KCNIP1: variants seen among roughly 807,000 people sequenced by gnomAD.
KCNIP1 encodes the protein A-type potassium channel modulatory protein KCNIP1.
In KCNIP1, 18 loss-of-function variants were observed where a neutral mutation model predicts 33.0. The ratio of observed to expected loss-of-function variants is 0.55; its 90% CI spans 0.38 to 0.81. The LOEUF is 0.81. KCNIP1 is among the 30% of genes least tolerant of loss of function. KCNIP1 has a pLI of 0.00. For missense variants in KCNIP1, 238 were observed against 271.6 expected (o/e 0.88, Z 0.87); for synonymous variants, 93 against 98.3 (o/e 0.95, Z 0.32).
intron 1 of KCNIP1, among the ~76,000 whole-genome samples, chr5:170,448,301 C>T (rs1240399919): frequency 5.3e-5 from 8 of 152,198 alleles, no homozygotes; most frequent in Non-Finnish European, 1.2e-4. Context: ...TCCAGGAAAC[C>T]CCAAAATAGA....
At chr5:170,471,927 C>T (rs919180704) in intron 1 of KCNIP1, among the ~76,000 whole-genome samples, 7 of 152,180 alleles carry the variant, frequency 4.6e-5, no homozygotes, top group African/African-American at 7.2e-5. Flanking sequence ...TTCACATCTC[C>T]GTCAGAGGCC....
intron 1 of KCNIP1, among the ~76,000 whole-genome samples, chr5:170,576,117 T>C (rs964826778): frequency 6.6e-6 from 1 of 152,206 alleles, no homozygotes; most frequent in Non-Finnish European, 1.5e-5. Flanking sequence ...AACTGGGACA[T>C]GGATGATCTA....
chr5:170,404,080 G>A (rs1754973954), intron 1 of KCNIP1, among the ~76,000 whole-genome samples: 1 of 152,174 alleles, frequency 6.6e-6, no homozygotes. Context: ...TGGGCAGGAG[G>A]CAGGGGATTA....
At chr5:170,638,130 A>T (rs1007390433) in intron 1 of KCNIP1, among the ~76,000 whole-genome samples, 19 of 152,122 alleles carry the variant, frequency 1.2e-4, no homozygotes, top group African/African-American at 4.6e-4. Context: ...CCAGATTGAT[A>T]GTCTGCATTT....
intron 1 of KCNIP1, chr5:170,639,079 C>T (rs796970420): frequency 1.3e-5 from 2 of 152,224 alleles, no homozygotes; most frequent in African/African-American, 4.8e-5. Context: ...ACAAGCTTCC[C>T]CATGACACTG....
intron 1 of KCNIP1, among the ~76,000 whole-genome samples, chr5:170,564,930 TTTCTGACTTAGCTTG>T (rs1757155120): frequency 6.6e-6 from 1 of 152,112 alleles, no homozygotes; most frequent in Non-Finnish European, 1.5e-5. Flanking sequence ...GAGAGATTTG[TTTCTGACTTAGCTTG>T]TAAGAAAGAG....
chr5:170,456,431 C>G (rs1486867223), intron 1 of KCNIP1, among the ~76,000 whole-genome samples: 1 of 151,992 alleles, frequency 6.6e-6, no homozygotes, highest in Non-Finnish European at 1.5e-5. Flanking sequence ...ACCTGTGTAA[C>G]AAACCTGCAC....
intron 1 of KCNIP1, chr5:170,374,868 G>A (rs1352682868): frequency 6.6e-6 from 1 of 152,178 alleles, no homozygotes; most frequent in South Asian, 2.1e-4. Flanking sequence ...TTATTGACAG[G>A]AGGAGAACAT....
chr5:170,587,222 G>C (rs1261995126), intron 1 of KCNIP1, among the ~76,000 whole-genome samples: 1 of 152,062 alleles, frequency 6.6e-6, no homozygotes, highest in Non-Finnish European at 1.5e-5. Flanking sequence ...AGGAGTTCAA[G>C]ACTAGCCTGG....
At chr5:170,554,167 A>T (rs1385834502) in intron 1 of KCNIP1, among the ~76,000 whole-genome samples, 1 of 151,980 alleles carries the variant, frequency 6.6e-6, no homozygotes, top group Non-Finnish European at 1.5e-5. Flanking sequence ...AATCGTGTGT[A>T]TCCCAAAGAA....
At chr5:170,652,039 G>A (rs562238114) in intron 1 of KCNIP1, among the ~76,000 whole-genome samples, 18 of 152,282 alleles carry the variant, frequency 1.2e-4, no homozygotes, top group East Asian at 1.2e-3. Context: ...ATAAATAGGC[G>A]TTTGTGGCTG....
intron 1 of KCNIP1, among the ~76,000 whole-genome samples, chr5:170,618,554 G>T (rs1166017936): frequency 3.7e-5 from 5 of 135,602 alleles, no homozygotes; most frequent in Non-Finnish European, 8.0e-5. Context: ...GAGGAGGGAG[G>T]GAGGGAGGGA....
chr5:170,638,488 A>T (rs1760388832), intron 1 of KCNIP1, among the ~76,000 whole-genome samples: 1 of 152,182 alleles, frequency 6.6e-6, no homozygotes, highest in African/African-American at 2.4e-5. Flanking sequence ...TTGACCCCAT[A>T]GTCTAAGGTC....
At chr5:170,448,188 T>C (rs896652382) in intron 1 of KCNIP1, among the ~76,000 whole-genome samples, 3 of 152,232 alleles carry the variant, frequency 2.0e-5, no homozygotes, top group Non-Finnish European at 4.4e-5. Context: ...TATTGTTGAA[T>C]GAGTGGATGG....
intron 1 of KCNIP1, among the ~76,000 whole-genome samples, chr5:170,541,246 G>T (rs1246264382): frequency 6.6e-6 from 1 of 152,138 alleles, no homozygotes; most frequent in Admixed American, 6.6e-5. Flanking sequence ...AAGTGACCCA[G>T]TGTTCCATAT....
intron 1 of KCNIP1, chr5:170,681,098 C>G (rs1401090741): frequency 1.8e-5 from 7 of 399,320 alleles, no homozygotes; most frequent in Non-Finnish European, 3.1e-5. Flanking sequence ...CCGAAGGGCT[C>G]CAGACACTGG....
intron 1 of KCNIP1, among the ~76,000 whole-genome samples, chr5:170,415,131 A>G (rs1304320646): frequency 6.6e-6 from 1 of 152,210 alleles, no homozygotes; most frequent in Non-Finnish European, 1.5e-5. Flanking sequence ...AGTAGACGCC[A>G]TGATAATCAA....
chr5:170,512,942 C>T (rs1208613524), intron 1 of KCNIP1, among the ~76,000 whole-genome samples: 4 of 151,844 alleles, frequency 2.6e-5, no homozygotes, highest in African/African-American at 7.3e-5. Context: ...CCCAGCTACT[C>T]GGGAGGTTGA....
intron 1 of KCNIP1, among the ~76,000 whole-genome samples, chr5:170,446,855 C>T (rs184860192): frequency 1.3e-5 from 2 of 152,300 alleles, no homozygotes; most frequent in East Asian, 1.9e-4. Flanking sequence ...TGGGCCCTCA[C>T]GTCCCTCCCT....
Sources: gnomAD v4.1 joint callset for allele counts (sites outside exome capture counted in the v4.1 genomes callset) on GRCh38, gnomAD v4.1.1 for gene constraint, MANE v1.5 for transcripts, NCBI Gene and HGNC (gene_info 2026-07-23, HGNC 2026-07-21) for gene names.